CLIC5: variants seen among roughly 807,000 people sequenced by gnomAD.
The protein encoded by CLIC5 is CLIC family member 5, also known as chloride intracellular channel protein 5.
A neutral mutation model predicts 24.7 loss-of-function variants in CLIC5; 20 were observed. That is an observed-to-expected ratio of 0.81 (90% CI 0.57 to 1.18). The LOEUF (loss-of-function observed/expected upper bound fraction) is 1.18. Ranked by LOEUF, CLIC5 falls within the 50% of genes most tolerant of loss-of-function variation. The pLI is 0.00. For missense variants in CLIC5, 341 were observed against 326.1 expected, an observed-to-expected ratio of 1.05 and a Z score of -0.35; for synonymous variants, 159 against 135.6, an observed-to-expected ratio of 1.17 and a Z score of -1.20.
chr6:46,086,734 G>A, the CLIC5 span, among the ~76,000 whole-genome samples: 1 of 152,160 alleles, frequency 6.6e-6, no homozygotes, highest in Admixed American at 6.5e-5. Flanking sequence ...CTAGTAGCTG[G>A]TATTGCTTAT....
chr6:46,036,333 G>A (rs1266422034), intron 1 of CLIC5, among the ~76,000 whole-genome samples: 2 of 128,286 alleles, frequency 1.6e-5, no homozygotes, highest in Non-Finnish European at 3.2e-5. Flanking sequence ...TTTTTGAGAC[G>A]GAGTCTCATT....
At position 46,006,971 on chromosome 6, in the gene CLIC5, C is replaced by T. The variant is rs145589453; in HGVS notation, c.63+8509G>A. ...ACAGTCATGAGCCACCATGCCCAGC[C>T]CCAAAAGACATTTTTTAAAGCAAGT... On this transcript the variant is annotated intron_variant, in intron 1 of 5. Transcript: ENST00000339561. Among the ~76,000 whole-genome samples the T allele has an allele frequency of 1.6e-3, 241 of 152,242 alleles. 1 individual carries two copies. Among genetic ancestry groups the T allele is most frequent in the African/African-American group, 5.5e-3 (229 of 41,550 alleles).
At chr6:45,957,370 T>C (rs1263613372) in intron 1 of CLIC5, among the ~76,000 whole-genome samples, 1 of 152,140 alleles carries the variant, frequency 6.6e-6, no homozygotes, top group African/African-American at 2.4e-5. Flanking sequence ...TTTACAAATG[T>C]GGAAATGGAG....
chr6:45,995,725 A>C (rs1766110090), intron 1 of CLIC5, among the ~76,000 whole-genome samples: 1 of 152,232 alleles, frequency 6.6e-6, no homozygotes, highest in Non-Finnish European at 1.5e-5. Flanking sequence ...CTAAAGAGAT[A>C]ATAATCTGAG....
the CLIC5 span, among the ~76,000 whole-genome samples, chr6:46,114,041 G>A: frequency 2.0e-5 from 3 of 152,148 alleles, no homozygotes; most frequent in African/African-American, 7.2e-5. Flanking sequence ...CTTTATTGAA[G>A]GGAAATGGAG....
At chr6:45,942,871 T>G (rs1473007876) in intron 3 of CLIC5, among the ~76,000 whole-genome samples, 1 of 152,150 alleles carries the variant, frequency 6.6e-6, no homozygotes, top group Non-Finnish European at 1.5e-5. Flanking sequence ...TGTCCTCCTT[T>G]TACATGGAAG....
At chr6:45,912,400 G>A in intron 5 of CLIC5, 8 of 1,105,444 alleles carry the variant, frequency 7.2e-6, no homozygotes, top group Non-Finnish European at 8.9e-6. Flanking sequence ...GGGAATTGAG[G>A]AAATCACAGG....
At chr6:45,919,291 T>G (rs1416166) in intron 4 of CLIC5, among the ~76,000 whole-genome samples, 63,962 of 151,744 alleles carry the variant, frequency 0.42, 14,042 homozygotes, top group East Asian at 0.54. Context: ...GGAGATGGGG[T>G]TTCTGGAATC....
At chr6:46,128,004 G>A in the CLIC5 span, among the ~76,000 whole-genome samples, 38 of 152,212 alleles carry the variant, frequency 2.5e-4, no homozygotes, top group Non-Finnish European at 4.1e-4. Context: ...TTATGAAATC[G>A]TTGAGTTGCT....
chr6:46,007,344 T>C (rs1236399500), intron 1 of CLIC5, among the ~76,000 whole-genome samples: 11 of 152,186 alleles, frequency 7.2e-5, no homozygotes, highest in Admixed American at 6.5e-4. Flanking sequence ...ATATCACCAT[T>C]CTAGATGTGG....
At chr6:45,891,043 AT>A (rs1352238345) in intron 6 of CLIC5, among the ~76,000 whole-genome samples, 7 of 152,342 alleles carry the variant, frequency 4.6e-5, no homozygotes, top group Admixed American at 1.3e-4. Context: ...AATAATGTAT[AT>A]TTCAAAATAG....
exon 1 of CLIC5, chr6:46,079,972 G>C (rs1341448567): frequency 6.4e-7 from 1 of 1,551,744 alleles, no homozygotes; most frequent in South Asian, 1.2e-5. Flanking sequence ...GCCTCCTGGA[G>C]TTCAGAGTAT....
At chr6:45,996,881 T>C (rs1426210440) in intron 1 of CLIC5, among the ~76,000 whole-genome samples, 1 of 151,658 alleles carries the variant, frequency 6.6e-6, no homozygotes, top group East Asian at 1.9e-4. Flanking sequence ...TGTGGAGAAA[T>C]AGGAACACTT....
intron 1 of CLIC5, among the ~76,000 whole-genome samples, chr6:45,965,274 T>C (rs1485088608): frequency 4.6e-5 from 7 of 152,328 alleles, no homozygotes; most frequent in Non-Finnish European, 5.9e-5. Context: ...GATAGATACA[T>C]GCATGTCTGT....
At chr6:46,047,674 A>G (rs986266974) in intron 1 of CLIC5, among the ~76,000 whole-genome samples, 2 of 152,226 alleles carry the variant, frequency 1.3e-5, no homozygotes, top group Non-Finnish European at 2.9e-5. Flanking sequence ...AACCTGTAGT[A>G]CTTCTATAAA....
At chr6:46,074,370 TGGCAATAA>T (rs1278959802) in intron 1 of CLIC5, among the ~76,000 whole-genome samples, 1 of 152,192 alleles carries the variant, frequency 6.6e-6, no homozygotes, top group African/African-American at 2.4e-5. Context: ...ACCTCTGCTA[TGGCAATAA>T]TAGTAATTAC....
At chr6:45,976,259 G>A (rs1765381011) in intron 1 of CLIC5, among the ~76,000 whole-genome samples, 1 of 152,228 alleles carries the variant, frequency 6.6e-6, no homozygotes, top group East Asian at 1.9e-4. Flanking sequence ...GTCTTGGGAA[G>A]CAGCGTTTAC....
At chr6:45,924,293 T>C (rs1476819366) in intron 4 of CLIC5, among the ~76,000 whole-genome samples, 2 of 152,070 alleles carry the variant, frequency 1.3e-5, no homozygotes, top group African/African-American at 4.8e-5. Context: ...TCATAACAGA[T>C]GTGAAATGGG....
chr6:46,081,035 C>T (rs1393448346), upstream of CLIC5, among the ~76,000 whole-genome samples: 3 of 152,180 alleles, frequency 2.0e-5, no homozygotes, highest in East Asian at 1.9e-4. Context: ...ACAACAAAAG[C>T]GTTAGAAGAC....
Sources: allele counts gnomAD v4.1 joint callset (sites outside exome capture counted in the v4.1 genomes callset), GRCh38; gene constraint gnomAD v4.1.1; transcripts MANE v1.5; gene names NCBI Gene and HGNC (gene_info 2026-07-23, HGNC 2026-07-21).